The following DONSON variants were observed in gnomAD, a reference collection of about 807,000 sequenced individuals.
DONSON encodes the protein protein downstream neighbor of Son.
Under a neutral mutation model 62.1 loss-of-function variants are expected in DONSON, and 43 were observed. The observed-to-expected ratio is 0.69, with a 90% confidence interval of 0.54 to 0.89. The LOEUF (loss-of-function observed/expected upper bound fraction) is 0.89. DONSON is among the 40% of genes least tolerant of loss of function. The probability of loss-of-function intolerance (pLI) is 0.00; values close to 1 mark genes in which losing one functional copy is unlikely to be tolerated. For synonymous variants in DONSON, 266 were observed against 264.6 expected (o/e 1.01, Z -0.05); for missense variants, 696 against 697.5 (o/e 1.00, Z 0.03).
In DONSON at chr21:33,578,208, T is replaced by G; in HGVS notation, c.*99A>C. On this transcript the variant is annotated 3_prime_UTR_variant, in exon 10 of 10. Coordinates refer to ENST00000303071, the MANE Select transcript of DONSON (RefSeq NM_017613.4). ...ATGCTACTGTAGTAAAAGTTATGTT[T>G]ATAAACATTTCAGTATATTCCTTCA... The G allele has an allele frequency of 7.6e-7, 1 of 1,324,480 alleles. No individual in the cohort carries two copies. Among genetic ancestry groups the G allele is most frequent in the Non-Finnish European group, 1.0e-6 (1 of 966,150 alleles). The allele number at this position is 1,324,480 out of a possible 1,614,324, so 82.0% of individuals were successfully genotyped here.
chr21:33,578,516 A>G (rs1210004355), intron 9 of DONSON, 72 bp from the exon 10 acceptor site: 2 of 1,424,530 alleles, frequency 1.4e-6, no homozygotes, highest in Non-Finnish European at 1.9e-6. Context: ...AATAATTACT[A>G]TGGAGACTGA....
At chr21:33,578,507 A>G (rs945160487) in intron 9 of DONSON, 63 bp from the exon 10 acceptor site, 5 of 1,495,172 alleles carry the variant, frequency 3.3e-6, no homozygotes, top group Non-Finnish European at 3.6e-6. Flanking sequence ...GAAGAGTTAA[A>G]TAATTACTAT....
chr21:33,586,265 C>T, intron 2 of DONSON, 84 bp from the exon 3 acceptor site: 2 of 1,099,588 alleles, frequency 1.8e-6, no homozygotes, highest in Non-Finnish European at 2.7e-6. Context: ...AACATGATCA[C>T]TGAAAAGTAA....
At position 33,588,624 on chromosome 21, in the gene DONSON, G is replaced by A. The variant is rs756513609; in HGVS notation, c.18C>T (p.Pro6=). MALSV[P]GYSPGFRKPP... is the part of the protein sequence containing the mutation. ...GCTTTCGGAAGCCCGGTGAGTAGCCGGGCACCGAAAGGGCCATGACGCGCG... is the reference window on the plus strand; with the variant it reads ...GCTTTCGGAAGCCCGGTGAGTAGCCAGGCACCGAAAGGGCCATGACGCGCG... The change falls in exon 1 of 10, where the codon CCC becomes CCT. Residue 6 remains proline (P), a synonymous_variant. Transcript: ENST00000303071. The A allele has an allele frequency of 2.4e-6, 3 of 1,242,386 alleles. No individual in the cohort carries two copies. Among genetic ancestry groups the A allele is most frequent in the East Asian group, 3.2e-5 (1 of 31,390 alleles). The allele number at this position is 1,242,386 out of a possible 1,614,324, so 77.0% of individuals were successfully genotyped here. A position where few individuals can be genotyped will look rare whatever the true frequency, so the allele number is the denominator to read the frequency against.
chr21:33,578,168 C>T lies in DONSON; in HGVS notation c.*139G>A, dbSNP rs956406367. ...AATCTAATCTGAAAATAGTAAAACA[C>T]ATTTAAAACCTTAGATGCTACTGTA... On this transcript the variant is annotated 3_prime_UTR_variant, in exon 10 of 10. Transcript: ENST00000303071. 1 of 868,914 alleles carries T rather than the reference C, an allele frequency of 1.2e-6. No homozygotes were observed. Among genetic ancestry groups the T allele is most frequent in the African/African-American group, 1.7e-5 (1 of 58,396 alleles). 53.8% of individuals were successfully genotyped at this position (868,914 alleles called of 1,614,324 possible). A position where few individuals can be genotyped will look rare whatever the true frequency, so the allele number is the denominator to read the frequency against.
At chr21:33,583,691 A>C (rs2086543855) in intron 4 of DONSON, 25 bp from the exon 5 acceptor site, 1 of 1,542,286 alleles carries the variant, frequency 6.5e-7, no homozygotes, top group Admixed American at 1.9e-5. Context: ...AATTTTCTTA[A>C]GGTATTATTA....
chr21:33,583,002 T>TCGTCCTG (rs2086531095), intron 5 of DONSON, among the ~76,000 whole-genome samples: 1 of 151,452 alleles, frequency 6.6e-6, no homozygotes, highest in Admixed American at 6.6e-5. Flanking sequence ...GAGATCGAGA[T>TCGTCCTG]CGTCCTGGCT....
chr21:33,580,237 T>C lies in DONSON; in HGVS notation c.1351-675A>G, dbSNP rs1008816539. Among the ~76,000 whole-genome samples, 7 of 135,138 alleles carry C rather than the reference T, an allele frequency of 5.2e-5. No homozygotes were observed. The South Asian group carries it at 1.5e-3, about 28-fold the overall frequency. 88.7% of individuals were successfully genotyped at this position (135,138 alleles called of 152,430 possible). The stretch of plus-strand genomic sequence containing the variant: ...GAGCAAGACTCCGTCTCTAAATAGA[T>C]AGATGAATGAATGAATGAATGAATG... On this transcript the variant is annotated intron_variant, in intron 8 of 9. Coordinates refer to ENST00000303071, the MANE Select transcript of DONSON (RefSeq NM_017613.4).
chr21:33,585,066 G>A (rs891070710), intron 3 of DONSON, among the ~76,000 whole-genome samples: 1 of 152,068 alleles, frequency 6.6e-6, no homozygotes, highest in Non-Finnish European at 1.5e-5. Flanking sequence ...GTGTGTGTAG[G>A]TAACACTACA....
chr21:33,580,529 C>T (rs547631775), intron 8 of DONSON, among the ~76,000 whole-genome samples: 107 of 125,472 alleles, frequency 8.5e-4, no homozygotes, highest in African/African-American at 3.1e-3. Context: ...TCCTGTGGTC[C>T]GATACTCGAG....
chr21:33,584,394 T>C (rs964153059), intron 4 of DONSON, among the ~76,000 whole-genome samples, 196 bp downstream of exon 4: 15 of 151,622 alleles, frequency 9.9e-5, no homozygotes, highest in Admixed American at 7.2e-4. Flanking sequence ...TCTACCACAA[T>C]TGGGTAAAGA....
chr21:33,583,450 T>A, intron 5 of DONSON, 38 bp downstream of exon 5: 1 of 1,574,894 alleles, frequency 6.3e-7, no homozygotes, highest in Non-Finnish European at 8.7e-7. Context: ...AGGTTTACTA[T>A]ATAGTATAGT....
At chr21:33,588,257 T>G in intron 1 of DONSON, 64 bp downstream of exon 1, 2 of 1,172,484 alleles carry the variant, frequency 1.7e-6, no homozygotes, top group Non-Finnish European at 2.1e-6. Context: ...CCATCCCCCA[T>G]TCACAGCTGG....
chr21:33,581,434 G>T lies in DONSON; in HGVS notation c.1218C>A (p.Ile406=). The part of the protein sequence containing the change: ...RPESVVLVKG[I]NTFTLLNFLI... ...AAAAATTGAGCAATGTAAAGGTGTT[G>T]ATTCCTTTTACCAACACAACAGATT... is the stretch of plus-strand genomic sequence containing the variant. Residue 406 remains isoleucine, a synonymous_variant, in exon 8 of 10, where the codon ATC becomes ATA. Transcript: ENST00000303071. The T allele has an allele frequency of 6.2e-7, 1 of 1,614,032 alleles. No homozygotes were observed. Among genetic ancestry groups the T allele is most frequent in the South Asian group, 1.1e-5 (1 of 91,074 alleles).
At position 33,577,604 on chromosome 21, in the gene DONSON, T is replaced by TACACATACATACACAC. The variant is rs1569072591; in HGVS notation, c.*702_*703insGTGTGTATGTATGTGT. The TACACATACATACACAC allele has an allele frequency of 2.4e-5, 2 of 84,370 alleles. No homozygotes were observed. Among genetic ancestry groups the TACACATACATACACAC allele is most frequent in the Non-Finnish European group, 2.3e-5 (1 of 42,962 alleles). 5.2% of individuals were successfully genotyped at this position (84,370 alleles called of 1,614,324 possible). ...AAATGTGAATTATACAGTCCCCCCC[T>TACACATACATACACAC]ACACACACACACACACACACACACA... On this transcript the variant is annotated 3_prime_UTR_variant, in exon 10 of 10. Transcript: ENST00000303071.
rs548866717 is a variant in DONSON at position 33,582,221 on chromosome 21, T to G, written c.990A>C (p.Ile330=). The G allele has an allele frequency of 1.4e-5, 22 of 1,614,018 alleles. No homozygotes were observed. Among genetic ancestry groups the G allele is most frequent in the Middle Eastern group, 3.3e-4 (2 of 6,058 alleles). ...TCTCCTTCTTATGGCCACTTTCTTTTATTAAAGGCAGAGAAAATTCAATAC... is the reference window on the plus strand; with the variant it reads ...TCTCCTTCTTATGGCCACTTTCTTTGATTAAAGGCAGAGAAAATTCAATAC... ...NEGIEFSLPL[I]KESGHKKETA... Residue 330 remains isoleucine (I), a synonymous_variant, in exon 6 of 10, where the codon ATA becomes ATC. Coordinates refer to ENST00000303071, the MANE Select transcript of DONSON (RefSeq NM_017613.4).
rs529567515 is a variant in DONSON, at chr21:33,578,404, G to C, written c.1604C>G (p.Pro535Arg). The part of the protein sequence containing the change: ...HKELTNCGLH[P>R]NTLEQLSQIP... ...TTGACTAAGTTGCTCCAGAGTGTTA[G>C]GGTGCAAACCACAGTTAGTAAGCTC... Residue 535 changes from proline to arginine, a missense_variant, in exon 10 of 10, where the codon CCT becomes CGT. Pro to Arg is a moderately radical substitution (Grantham distance 103, BLOSUM62 -2). Transcript: ENST00000303071. 3.7e-6 allele frequency: 6 copies of C among 1,613,862 alleles called. No individual in the cohort carries two copies. Among genetic ancestry groups the C allele is most frequent in the East Asian group, 2.2e-5 (1 of 44,842 alleles).
chr21:33,584,030 ATATATATATATATATACTTT>A (rs2086548603), intron 4 of DONSON, among the ~76,000 whole-genome samples: 1 of 143,300 alleles, frequency 7.0e-6, no homozygotes, highest in African/African-American at 2.6e-5. Context: ...ATATATATAT[ATATATATATATATATACTTT>A]TTTTTTTTTT....
chr21:33,582,314 G>C (rs2086522021), intron 5 of DONSON, 68 bp from the exon 6 acceptor site: 4 of 1,298,254 alleles, frequency 3.1e-6, no homozygotes, highest in South Asian at 1.3e-5. Context: ...TGTACTTTTA[G>C]AGTGTAAAAA....
Sources: allele counts gnomAD v4.1 joint callset (sites outside exome capture counted in the v4.1 genomes callset), GRCh38; gene constraint gnomAD v4.1.1; transcripts MANE v1.5; gene names NCBI Gene and HGNC (gene_info 2026-07-23, HGNC 2026-07-21).